ERBIN: variants seen among roughly 807,000 people sequenced by gnomAD.
The protein encoded by ERBIN is erbb2 interacting protein, also known as densin-180-like protein.
Under a neutral mutation model 158.4 loss-of-function variants are expected in ERBIN, and 60 were observed. The ratio of observed to expected loss-of-function variants is 0.38; its 90% CI spans 0.31 to 0.47. The LOEUF (loss-of-function observed/expected upper bound fraction) is 0.47. ERBIN is among the 20% of genes least tolerant of loss of function. The probability of loss-of-function intolerance (pLI) is 0.99; values close to 1 mark genes in which losing one functional copy is unlikely to be tolerated. For missense variants in ERBIN, 1,610 were observed against 1,648.0 expected (o/e 0.98, Z 0.40); for synonymous variants, 594 against 557.2 (o/e 1.07, Z -0.93).
chr5:65,995,238 A>G (rs1292988346), intron 4 of ERBIN, among the ~76,000 whole-genome samples: 1 of 152,128 alleles, frequency 6.6e-6, no homozygotes, highest in Non-Finnish European at 1.5e-5. Context: ...TCTCCTGTCA[A>G]ACTGAAATCT....
At chr5:65,956,675 T>A in intron 1 of ERBIN, among the ~76,000 whole-genome samples, 1 of 151,972 alleles carries the variant, frequency 6.6e-6, no homozygotes, top group Non-Finnish European at 1.5e-5. Flanking sequence ...CCACTGCTCC[T>A]GGCGGGAAAA....
intron 1 of ERBIN, among the ~76,000 whole-genome samples, chr5:65,932,128 G>T (rs1318544993): frequency 6.6e-6 from 1 of 151,904 alleles, no homozygotes; most frequent in Non-Finnish European, 1.5e-5. Flanking sequence ...CTGGTCACAA[G>T]GTCAGGAGAT....
In ERBIN at chr5:65,927,215, A is replaced by G. The variant is rs550100313; in HGVS notation, c.-58+409A>G. On this transcript the variant is annotated intron_variant, in intron 1 of 25. Coordinates refer to ENST00000284037, the MANE Select transcript of ERBIN (RefSeq NM_001253697.2). ...TCGCTGCAGTGAGTGATTTGCTGTTATTGAGATGGCTGCCGCGTTTGTTTA... is the reference window on the plus strand; with the variant it reads ...TCGCTGCAGTGAGTGATTTGCTGTTGTTGAGATGGCTGCCGCGTTTGTTTA... 7.9e-5 allele frequency among the ~76,000 whole-genome samples: 12 copies of G among 152,212 alleles called. No individual in the cohort carries two copies. The South Asian group carries it at 2.1e-3, about 26-fold the overall frequency.
In ERBIN at chr5:66,019,108, T is replaced by C. The variant is rs113437494; in HGVS notation, c.534-2214T>C. 1.2e-4 allele frequency among the ~76,000 whole-genome samples: 18 copies of C among 152,294 alleles called. 1 individual carries two copies. Among genetic ancestry groups the C allele is most frequent in the African/African-American group, 4.1e-4 (17 of 41,586 alleles). ...AGTTTTTTGGTGAAGTCCTTAGATT[T>C]TTCTAGGTATAAGATACATGTTGTC... On this transcript the variant is annotated intron_variant, in intron 7 of 25. Coordinates refer to ENST00000284037, the MANE Select transcript of ERBIN (RefSeq NM_001253697.2).
At chr5:66,031,390 A>C (rs73763072) in intron 14 of ERBIN, among the ~76,000 whole-genome samples, 4,055 of 152,314 alleles carry the variant, frequency 0.027, 182 homozygotes, top group African/African-American at 0.093. Flanking sequence ...TAAGGTGGGA[A>C]CAATATTTAG....
At chr5:66,076,241 T>G in intron 23 of ERBIN, 75 bp from the exon 24 acceptor site, 1 of 1,071,152 alleles carries the variant, frequency 9.3e-7, no homozygotes. Flanking sequence ...AACCAATCAG[T>G]ATTTAAATAT....
chr5:65,980,934 C>T (rs1050911550), intron 1 of ERBIN, among the ~76,000 whole-genome samples: 1 of 152,188 alleles, frequency 6.6e-6, no homozygotes, highest in East Asian at 1.9e-4. Context: ...TTGAATACAA[C>T]TGTCAACCAA....
At chr5:66,064,648 T>G (rs1760803053) in intron 21 of ERBIN, among the ~76,000 whole-genome samples, 2 of 152,200 alleles carry the variant, frequency 1.3e-5, no homozygotes, top group South Asian at 4.1e-4. Context: ...TAGGCAAAAG[T>G]GTTCAGGATG....
intron 1 of ERBIN, among the ~76,000 whole-genome samples, chr5:65,957,537 GGTCA>G (rs1270592422): frequency 2.9e-4 from 44 of 152,178 alleles, no homozygotes; most frequent in Admixed American, 1.8e-3. Context: ...TTGGGGGTAA[GGTCA>G]TAGATCAACA....
chr5:65,963,638 T>TGG (rs1748180161), intron 1 of ERBIN, among the ~76,000 whole-genome samples: 1 of 152,064 alleles, frequency 6.6e-6, no homozygotes, highest in South Asian at 2.1e-4. Context: ...CTACTTTACA[T>TGG]GAAATTCTTA....
chr5:66,041,822 A>G (rs1353665288), intron 15 of ERBIN, among the ~76,000 whole-genome samples: 2 of 152,000 alleles, frequency 1.3e-5, no homozygotes, highest in Non-Finnish European at 2.9e-5. Context: ...TCATACCACA[A>G]AAGTATGTCA....
intron 1 of ERBIN, among the ~76,000 whole-genome samples, chr5:65,978,552 G>C (rs916139769): frequency 2.0e-5 from 3 of 152,234 alleles, no homozygotes; most frequent in Admixed American, 2.0e-4. Flanking sequence ...GAAATAACAA[G>C]AGTTCTGTGT....
intron 21 of ERBIN, among the ~76,000 whole-genome samples, chr5:66,063,041 G>A (rs112886452): frequency 6.6e-6 from 1 of 152,196 alleles, no homozygotes; most frequent in Admixed American, 6.5e-5. Context: ...GCTGCGTGCT[G>A]GGAGAACCAC....
chr5:65,947,084 C>A (rs371664371), intron 1 of ERBIN, among the ~76,000 whole-genome samples: 1 of 152,038 alleles, frequency 6.6e-6, no homozygotes, highest in African/African-American at 2.4e-5. Flanking sequence ...TTTTGCAGAA[C>A]AAAAGCTTTT....
chr5:66,021,879 G>A (rs750892796), intron 8 of ERBIN, among the ~76,000 whole-genome samples: 1 of 151,994 alleles, frequency 6.6e-6, no homozygotes, highest in Admixed American at 6.6e-5. Context: ...TGCCAAGTGC[G>A]CTATGAAGCT....
At chr5:65,937,230 C>G (rs1033438489) in intron 1 of ERBIN, among the ~76,000 whole-genome samples, 2 of 152,130 alleles carry the variant, frequency 1.3e-5, no homozygotes, top group African/African-American at 4.8e-5. Flanking sequence ...ATTTGTCAGT[C>G]TCTTTATGCC....
chr5:66,060,599 T>C (rs932743537), intron 21 of ERBIN, among the ~76,000 whole-genome samples: 28 of 152,318 alleles, frequency 1.8e-4, no homozygotes, highest in Non-Finnish European at 3.7e-4. Context: ...ATGTGTTTGC[T>C]CTTGCTTCTC....
intron 1 of ERBIN, among the ~76,000 whole-genome samples, chr5:65,972,291 T>G (rs146874046): frequency 6.6e-6 from 1 of 152,048 alleles, no homozygotes; most frequent in Non-Finnish European, 1.5e-5. Flanking sequence ...GGACTTACTA[T>G]GATGTGGAGC....
chr5:65,942,556 A>G (rs1745185305), intron 1 of ERBIN, among the ~76,000 whole-genome samples: 1 of 152,246 alleles, frequency 6.6e-6, no homozygotes, highest in South Asian at 2.1e-4. Flanking sequence ...TTACATCAAT[A>G]TTTGAGCCAA....
Sources: allele counts gnomAD v4.1 joint callset (sites outside exome capture counted in the v4.1 genomes callset), GRCh38; gene constraint gnomAD v4.1.1; transcripts MANE v1.5; gene names NCBI Gene and HGNC (gene_info 2026-07-23, HGNC 2026-07-21).